CCSER1: variants seen among roughly 807,000 people sequenced by gnomAD.
CCSER1 encodes the protein serine-rich coiled-coil domain-containing protein 1.
A neutral mutation model predicts 82.0 loss-of-function variants in CCSER1; 41 were observed. The observed-to-expected ratio is 0.50, with a 90% CI of 0.39 to 0.65. CCSER1 has a LOEUF of 0.65. Ranked by LOEUF, CCSER1 falls within the 30% of genes least tolerant of loss-of-function variation. The pLI is 0.00. For missense variants in CCSER1, 1,119 were observed against 1,064.2 expected, an observed-to-expected ratio of 1.05 and a Z score of -0.72; for synonymous variants, 414 against 383.9, an observed-to-expected ratio of 1.08 and a Z score of -0.92.
chr4:90,875,692 C>T (rs529091784), intron 8 of CCSER1, among the ~76,000 whole-genome samples: 16 of 152,106 alleles, frequency 1.1e-4, no homozygotes, highest in Non-Finnish European at 1.8e-4. Flanking sequence ...TTAAATTAAA[C>T]ATCACAGCTG....
At chr4:90,906,665 C>G (rs1044150630) in intron 8 of CCSER1, among the ~76,000 whole-genome samples, 9 of 151,968 alleles carry the variant, frequency 5.9e-5, no homozygotes, top group African/African-American at 2.2e-4. Context: ...GGTATTATAT[C>G]CTGATCTTCC....
intron 10 of CCSER1, among the ~76,000 whole-genome samples, chr4:91,163,532 G>A (rs1731675826): frequency 6.6e-6 from 1 of 152,200 alleles, no homozygotes; most frequent in Admixed American, 6.5e-5. Context: ...ACAGTGGGGT[G>A]TTAAAGTTTC....
At chr4:90,808,947 T>C (rs1204817712) in intron 7 of CCSER1, among the ~76,000 whole-genome samples, 3 of 152,198 alleles carry the variant, frequency 2.0e-5, no homozygotes, top group Non-Finnish European at 4.4e-5. Context: ...TGCATATGTT[T>C]ACCACAGCAC....
chr4:90,169,851 G>A (rs991966649), intron 1 of CCSER1, among the ~76,000 whole-genome samples: 2 of 151,684 alleles, frequency 1.3e-5, no homozygotes, highest in East Asian at 1.9e-4. Context: ...TCCCTCTCAC[G>A]TTTTATTCTT....
chr4:91,022,585 A>C (rs1304845586), intron 9 of CCSER1, among the ~76,000 whole-genome samples: 3 of 152,172 alleles, frequency 2.0e-5, no homozygotes, highest in Non-Finnish European at 2.9e-5. Flanking sequence ...GAATCGCCAC[A>C]CTGACTTCCA....
chr4:91,173,161 A>G (rs1158952365), intron 10 of CCSER1, among the ~76,000 whole-genome samples: 2 of 152,228 alleles, frequency 1.3e-5, no homozygotes, highest in African/African-American at 4.8e-5. Context: ...CTAAGTAATT[A>G]TATGTGAGGT....
chr4:91,232,154 G>C (rs1403059806), intron 10 of CCSER1, among the ~76,000 whole-genome samples: 1 of 151,566 alleles, frequency 6.6e-6, no homozygotes, highest in East Asian at 1.9e-4. Flanking sequence ...TTATACAGAG[G>C]GCAAGTAAAT....
rs555943557 is a variant in CCSER1 at position 90,833,088 on chromosome 4, A to T, written c.2094+17243A>T. Reference sequence around the variant, plus strand: ...CGAAAGACTTGAGACTGGGTAATTTATAAATAATAGAAATTTAATTCTCAC... The same window carrying T: ...CGAAAGACTTGAGACTGGGTAATTTTTAAATAATAGAAATTTAATTCTCAC... On this transcript the variant is annotated intron_variant, in intron 8 of 10. Coordinates refer to ENST00000509176, the MANE Select transcript of CCSER1 (RefSeq NM_001145065.2). 3.7e-4 allele frequency among the ~76,000 whole-genome samples: 57 copies of T among 152,288 alleles called. No homozygotes were observed. The East Asian group carries it at 0.01, about 28-fold the overall frequency.
chr4:90,943,721 C>T (rs1041224338), intron 9 of CCSER1, among the ~76,000 whole-genome samples: 2 of 109,792 alleles, frequency 1.8e-5, no homozygotes, highest in African/African-American at 5.8e-5. Context: ...AGCCACTGTG[C>T]CAGGCTAATT....
chr4:90,417,398 T>C (rs1755970604), intron 4 of CCSER1, among the ~76,000 whole-genome samples: 1 of 152,082 alleles, frequency 6.6e-6, no homozygotes, highest in Non-Finnish European at 1.5e-5. Flanking sequence ...TAATCATTAA[T>C]ACTCAAAGAG....
intron 7 of CCSER1, among the ~76,000 whole-genome samples, chr4:90,729,002 T>A (rs188354994): frequency 1.6e-3 from 245 of 152,330 alleles, no homozygotes; most frequent in African/African-American, 5.7e-3. Flanking sequence ...TGCAGTCTAA[T>A]TAGGAGGCTG....
At chr4:90,695,037 A>AATATAT (rs111663265) in intron 6 of CCSER1, among the ~76,000 whole-genome samples, 6,936 of 148,222 alleles carry the variant, frequency 0.047, 208 homozygotes, top group Non-Finnish European at 0.067. Context: ...CCATAATTAG[A>AATATAT]ATATATGTAT....
intron 1 of CCSER1, among the ~76,000 whole-genome samples, chr4:90,136,272 G>A (rs1723678470): frequency 6.6e-6 from 1 of 152,100 alleles, no homozygotes; most frequent in Non-Finnish European, 1.5e-5. Flanking sequence ...AGGATTGCAT[G>A]AGCCTAGGAG....
chr4:91,002,259 C>T (rs1738101648), intron 9 of CCSER1, among the ~76,000 whole-genome samples: 1 of 152,286 alleles, frequency 6.6e-6, no homozygotes, highest in South Asian at 2.1e-4. Context: ...ATGAATTTCC[C>T]AGGTGTTCTT....
rs1333108186 is a variant in CCSER1 at position 91,601,898 on chromosome 4, G to A, written c.*2841G>A. On this transcript the variant is annotated 3_prime_UTR_variant, in exon 11 of 11. Transcript: ENST00000509176. ...AACTGTTCCCATTTTTATAATTATT[G>A]GAACATGAAACTGTATTTCTATGAA... 1.3e-5 allele frequency: 2 copies of A among 151,882 alleles called. No homozygotes were observed. The highest frequency in any genetic ancestry group is 2.4e-5 in the African/African-American group (1 of 41,396). The allele number at this position is 151,882 out of a possible 1,614,324, so 9.4% of individuals were successfully genotyped here.
chr4:90,744,415 T>C (rs73833789), intron 7 of CCSER1, among the ~76,000 whole-genome samples: 27 of 152,262 alleles, frequency 1.8e-4, no homozygotes, highest in African/African-American at 6.5e-4. Context: ...TTTTGGACTT[T>C]ATTTGAAATT....
intron 5 of CCSER1, among the ~76,000 whole-genome samples, chr4:90,483,201 CT>C (rs971885135): frequency 6.6e-6 from 1 of 152,050 alleles, no homozygotes; most frequent in Admixed American, 6.6e-5. Flanking sequence ...CAACCCCTGC[CT>C]TTTTTTGTTT....
In CCSER1 at chr4:91,216,253, G is replaced by A. The variant is rs115673080; in HGVS notation, c.2217+130259G>A. On this transcript the variant is annotated intron_variant, in intron 10 of 10. Coordinates refer to ENST00000509176, the MANE Select transcript of CCSER1 (RefSeq NM_001145065.2). ...CTCTCTTGTCAGTTTATCACAGTGC[G>A]CATAAAATGTTAATCACTTTCTTAT... is the stretch of plus-strand genomic sequence containing the variant. Among the ~76,000 whole-genome samples, 871 of 152,262 alleles carry A rather than the reference G, an allele frequency of 5.7e-3. 8 individuals are homozygous for A. The highest frequency in any genetic ancestry group is 0.02 in the African/African-American group (834 of 41,540).
chr4:91,178,669 C>G (rs1198907095), intron 10 of CCSER1, among the ~76,000 whole-genome samples: 1 of 152,126 alleles, frequency 6.6e-6, no homozygotes, highest in Non-Finnish European at 1.5e-5. Flanking sequence ...GTTGATCTTC[C>G]TCCATCCCTT....
Sources: allele counts gnomAD v4.1 joint callset (sites outside exome capture counted in the v4.1 genomes callset), GRCh38; gene constraint gnomAD v4.1.1; transcripts MANE v1.5; gene names NCBI Gene and HGNC (gene_info 2026-07-23, HGNC 2026-07-21).